ADAMTSL1: variants seen among roughly 807,000 people sequenced by gnomAD.
ADAMTSL1 encodes the protein ADAMTS like 1.
Under a neutral mutation model 201.8 loss-of-function variants are expected in ADAMTSL1, and 126 were observed. The ratio of observed to expected loss-of-function variants is 0.62; its 90% CI spans 0.54 to 0.72. The LOEUF (loss-of-function observed/expected upper bound fraction) is 0.72, where lower values mean the gene tolerates loss of function less well. Among genes scored for constraint, ADAMTSL1 ranks in the 30% least tolerant of loss-of-function variants. The pLI, the probability that ADAMTSL1 is intolerant of heterozygous loss-of-function variation, is 0.00. For synonymous variants in ADAMTSL1, 1,121 were observed against 903.4 expected (o/e 1.24, Z -4.32); for missense variants, 2,679 against 2,277.8 (o/e 1.18, Z -3.59).
intron 2 of ADAMTSL1, among the ~76,000 whole-genome samples, chr9:18,468,291 T>C (rs1181931053): frequency 6.6e-6 from 1 of 152,226 alleles, no homozygotes; most frequent in Admixed American, 6.5e-5. Flanking sequence ...CCCGGTTCAG[T>C]TCAATGCTCT....
chr9:18,290,294 T>C lies in ADAMTSL1; in HGVS notation c.207+126313T>C, dbSNP rs536675971. Among the ~76,000 whole-genome samples, 368 of 151,700 alleles carry C rather than the reference T, an allele frequency of 2.4e-3. 1 individual carries two copies. The highest frequency in any genetic ancestry group is 8.4e-3 in the African/African-American group (348 of 41,366). On this transcript the variant is annotated intron_variant, in intron 2 of 29. Transcript: ENST00000680146. ...CCAGGGGATTAGATTTTTTTTTTTT[T>C]CTAGTGCTGCAGGGGTGTGGAGAAA...
Position 18,721,542 on chromosome 9 carries a change from A to G in ADAMTSL1, c.1883A>G (p.Gln628Arg), listed in dbSNP as rs1220843338. ...CCGTGTGATTTGTACACAGGTGTCC[A>G]GGAGGCTGTGGTGAGCTGCTTGAAC... ...KCSESCGGGV[Q>R]EAVVSCLNKQ... Residue 628 changes from glutamine to arginine, a missense_variant, in exon 15 of 29, where the codon CAG becomes CGG. Physicochemically the swap from Gln to Arg is conservative, Grantham distance 43. Coordinates refer to ENST00000380548, the MANE Select transcript of ADAMTSL1 (RefSeq NM_001040272.6). 3 of 1,613,836 alleles carry G rather than the reference A, an allele frequency of 1.9e-6. No individual in the cohort carries two copies. In the African/African-American group the frequency reaches 4.0e-5, roughly 22 times the overall value.
chr9:18,796,673 A>G (rs980026938), intron 20 of ADAMTSL1: 7 of 152,256 alleles, frequency 4.6e-5, no homozygotes, highest in African/African-American at 1.4e-4. Flanking sequence ...TCAACAATGA[A>G]GAAGGCAATT....
chr9:18,403,858 T>C (rs1818078964), intron 2 of ADAMTSL1, among the ~76,000 whole-genome samples: 2 of 152,200 alleles, frequency 1.3e-5, no homozygotes, highest in Admixed American at 6.5e-5. Flanking sequence ...TCAATATTCT[T>C]ATGGTCTTCT....
intron 3 of ADAMTSL1, among the ~76,000 whole-genome samples, chr9:18,554,117 A>G (rs1180059646): frequency 6.6e-6 from 1 of 150,672 alleles, no homozygotes; most frequent in African/African-American, 2.4e-5. Context: ...TTTTTATTCG[A>G]CCTGAAAATT....
intron 20 of ADAMTSL1, among the ~76,000 whole-genome samples, chr9:18,801,304 T>G (rs1458043081): frequency 6.6e-6 from 1 of 152,232 alleles, no homozygotes; most frequent in Non-Finnish European, 1.5e-5. Context: ...ACAAAATTCT[T>G]TGTGAATGTG....
At chr9:18,296,841 A>G (rs1047898706) in intron 2 of ADAMTSL1, among the ~76,000 whole-genome samples, 5 of 152,190 alleles carry the variant, frequency 3.3e-5, no homozygotes, top group African/African-American at 1.2e-4. Context: ...GGTCAATGTA[A>G]TTAAGAATCT....
chr9:18,451,770 A>C (rs2131673527), intron 2 of ADAMTSL1, among the ~76,000 whole-genome samples: 1 of 152,358 alleles, frequency 6.6e-6, no homozygotes, highest in African/African-American at 2.4e-5. Flanking sequence ...TAATTTACAA[A>C]GAAGAGAGAT....
intron 1 of ADAMTSL1, among the ~76,000 whole-genome samples, chr9:18,061,650 G>A (rs1343426567): frequency 6.6e-6 from 1 of 152,184 alleles, no homozygotes; most frequent in Non-Finnish European, 1.5e-5. Context: ...CTGGGATTTT[G>A]CTATGTGCAG....
intron 7 of ADAMTSL1, among the ~76,000 whole-genome samples, chr9:18,652,924 A>C (rs1828386884): frequency 6.6e-6 from 1 of 152,202 alleles, no homozygotes; most frequent in Admixed American, 6.5e-5. Context: ...TATAAAAGGG[A>C]AAACCATTGT....
intron 1 of ADAMTSL1, among the ~76,000 whole-genome samples, chr9:18,109,144 C>T (rs1205676244): frequency 1.3e-5 from 2 of 152,132 alleles, no homozygotes; most frequent in Non-Finnish European, 2.9e-5. Context: ...GACAAATTCC[C>T]TCGCCTAATT....
At chr9:18,343,058 A>T (rs1402918325) in intron 2 of ADAMTSL1, among the ~76,000 whole-genome samples, 3 of 151,546 alleles carry the variant, frequency 2.0e-5, no homozygotes, top group African/African-American at 7.3e-5. Context: ...AAGGTTAGTA[A>T]CTCACACCTG....
At chr9:18,160,592 G>A (rs1410529706) in intron 1 of ADAMTSL1, among the ~76,000 whole-genome samples, 2 of 151,922 alleles carry the variant, frequency 1.3e-5, no homozygotes, top group Non-Finnish European at 1.5e-5. Context: ...CAAATGTAAA[G>A]TAACCATGTT....
chr9:18,133,776 A>G (rs181821986), intron 1 of ADAMTSL1, among the ~76,000 whole-genome samples: 4 of 152,298 alleles, frequency 2.6e-5, no homozygotes, highest in Admixed American at 2.6e-4. Context: ...ACACACGGAA[A>G]TCATTATGGT....
At chr9:18,061,895 A>T (rs926786365) in intron 1 of ADAMTSL1, among the ~76,000 whole-genome samples, 1 of 152,218 alleles carries the variant, frequency 6.6e-6, no homozygotes, top group Non-Finnish European at 1.5e-5. Context: ...TCAATTTTCA[A>T]TAGCAAAATG....
chr9:18,106,373 A>T (rs1261137455), intron 1 of ADAMTSL1, among the ~76,000 whole-genome samples: 1 of 152,190 alleles, frequency 6.6e-6, no homozygotes, highest in Non-Finnish European at 1.5e-5. Context: ...GTGAAAACCT[A>T]TCATTTGTAA....
intron 1 of ADAMTSL1, among the ~76,000 whole-genome samples, chr9:18,502,953 T>A (rs1394717368): frequency 6.6e-6 from 1 of 152,080 alleles, no homozygotes; most frequent in Non-Finnish European, 1.5e-5. Flanking sequence ...TAGCAACAAA[T>A]GCTTATACAA....
chr9:17,986,931 A>C (rs1026096557), intron 1 of ADAMTSL1, among the ~76,000 whole-genome samples: 7 of 152,102 alleles, frequency 4.6e-5, no homozygotes, highest in Admixed American at 3.9e-4. Context: ...TTCTTCAGCA[A>C]ATTGGGTTTT....
At chr9:18,088,860 A>G (rs559393335) in intron 1 of ADAMTSL1, among the ~76,000 whole-genome samples, 1 of 152,316 alleles carries the variant, frequency 6.6e-6, no homozygotes, top group South Asian at 2.1e-4. Flanking sequence ...GAACTCCCAT[A>G]TGATCTAACA....
Sources: allele counts gnomAD v4.1 joint callset (sites outside exome capture counted in the v4.1 genomes callset), GRCh38; gene constraint gnomAD v4.1.1; transcripts MANE v1.5; gene names NCBI Gene and HGNC (gene_info 2026-07-23, HGNC 2026-07-21).